Variants in ELL2 observed in about 807,000 individuals in gnomAD.
ELL2 encodes the protein elongation factor for RNA polymerase II 2.
Under a neutral mutation model 72.8 loss-of-function variants are expected in ELL2, and 21 were observed. That is an observed-to-expected ratio of 0.29 (90% CI 0.20 to 0.42). The LOEUF (loss-of-function observed/expected upper bound fraction) is 0.42. ELL2 is among the 10% of genes least tolerant of loss of function. The probability of loss-of-function intolerance (pLI) is 1.00; values close to 1 mark genes in which losing one functional copy is unlikely to be tolerated. For synonymous variants in ELL2, 266 were observed against 283.2 expected (o/e 0.94, Z 0.61); for missense variants, 568 against 772.8 (o/e 0.73, Z 3.14).
intron 3 of ELL2, among the ~76,000 whole-genome samples, chr5:95,917,089 T>C (rs1254833602): frequency 2.0e-5 from 3 of 152,222 alleles, no homozygotes; most frequent in South Asian, 2.1e-4. Context: ...GACAAATGTA[T>C]ATAAATGCTC....
At chr5:95,929,289 C>T (rs1376132998) in intron 2 of ELL2, among the ~76,000 whole-genome samples, 3 of 149,226 alleles carry the variant, frequency 2.0e-5, no homozygotes, top group Non-Finnish European at 3.0e-5. Flanking sequence ...GACAGAGTCT[C>T]GCTCTGTCGC....
chr5:95,898,513 T>C lies in ELL2; in HGVS notation c.1252A>G (p.Asn418Asp). The C allele has an allele frequency of 6.2e-7, 1 of 1,614,142 alleles. No homozygotes were observed. The highest frequency in any genetic ancestry group is 1.7e-4 in the Middle Eastern group (1 of 6,046). Reference protein sequence around the residue: ...QDLPVDSFSQNDSIYEDQQDK... With the variant: ...QDLPVDSFSQDDSIYEDQQDK... ...TGCTGGTCCTCATAGATACTATCGTTTTGACTAAAACTGTCAACAGGTAGG... is the reference window on the plus strand; with the variant it reads ...TGCTGGTCCTCATAGATACTATCGTCTTGACTAAAACTGTCAACAGGTAGG... The change falls in exon 8 of 12, where the codon AAC becomes GAC. Residue 418 changes from asparagine (N) to aspartate (D), a missense_variant. Around this residue, in one of 2 missense-constraint regions of ELL2, gnomAD observed 511 missense variants for 728.4 expected, o/e 0.70. Transcript: ENST00000237853.
rs372656152 is a variant in ELL2, at chr5:95,927,370, T to TAC, written c.196-7827_196-7826dup. On this transcript the variant is annotated intron_variant, in intron 2 of 11. Transcript: ENST00000237853. The stretch of plus-strand genomic sequence containing the variant: ...GTATGTGTATGTGTATATATAGACA[T>TAC]ACACACACACACGTGTGTATATATA... Among the ~76,000 whole-genome samples, 590 of 90,900 alleles carry TAC rather than the reference T, an allele frequency of 6.5e-3. 112 individuals are homozygous for TAC. The highest frequency in any genetic ancestry group is 0.034 in the African/African-American group (473 of 14,046). 59.6% of individuals were successfully genotyped at this position (90,900 alleles called of 152,430 possible).
intron 2 of ELL2, among the ~76,000 whole-genome samples, chr5:95,938,721 A>G (rs562098282): frequency 6.6e-6 from 1 of 152,306 alleles, no homozygotes; most frequent in African/African-American, 2.4e-5. Context: ...TGTCTCAAAA[A>G]ATAATTATTA....
chr5:95,902,037 G>A (rs1000925528), intron 5 of ELL2, among the ~76,000 whole-genome samples: 1 of 152,168 alleles, frequency 6.6e-6, no homozygotes, highest in African/African-American at 2.4e-5. Flanking sequence ...GTGAAACCAC[G>A]GATAAGGACT....
intron 2 of ELL2, among the ~76,000 whole-genome samples, chr5:95,936,589 G>A (rs1750781759): frequency 6.6e-6 from 1 of 152,040 alleles, no homozygotes. Context: ...TGGAGACCAG[G>A]CTGGGCAATA....
chr5:95,933,613 G>A (rs1268967468), intron 2 of ELL2, among the ~76,000 whole-genome samples: 1 of 151,912 alleles, frequency 6.6e-6, no homozygotes, highest in African/African-American at 2.4e-5. Flanking sequence ...CACTATTAGG[G>A]ACCCTTTTAT....
intron 9 of ELL2, among the ~76,000 whole-genome samples, chr5:95,892,979 G>A (rs974383977): frequency 6.6e-6 from 1 of 152,114 alleles, no homozygotes; most frequent in African/African-American, 2.4e-5. Context: ...AGGGAGCCCC[G>A]GGGTAAAAAG....
chr5:95,902,766 C>G (rs1749190641), intron 5 of ELL2, among the ~76,000 whole-genome samples: 1 of 152,046 alleles, frequency 6.6e-6, no homozygotes, highest in African/African-American at 2.4e-5. Context: ...CATCAATTTT[C>G]TTTTTTCTTT....
At chr5:95,937,020 T>C (rs1750801043) in intron 2 of ELL2, among the ~76,000 whole-genome samples, 1 of 152,194 alleles carries the variant, frequency 6.6e-6, no homozygotes, top group South Asian at 2.1e-4. Flanking sequence ...TGACAAATAT[T>C]TGCTAAGTGA....
At chr5:95,916,284 A>G (rs139074480) in intron 3 of ELL2, among the ~76,000 whole-genome samples, 1 of 152,252 alleles carries the variant, frequency 6.6e-6, no homozygotes, top group East Asian at 1.9e-4. Context: ...ACAGGTTGGG[A>G]GACAGGACTG....
At chr5:95,959,520 T>G (rs1751735783) in intron 1 of ELL2, among the ~76,000 whole-genome samples, 1 of 152,232 alleles carries the variant, frequency 6.6e-6, no homozygotes, top group Admixed American at 6.5e-5. Context: ...CTCTCCACTG[T>G]CTGCTTCTGT....
rs962608061 is a variant in ELL2, at chr5:95,887,363, C to T, written c.*1508G>A. 1.3e-5 allele frequency: 2 copies of T among 152,604 alleles called. No homozygotes were observed. The highest frequency in any genetic ancestry group is 2.4e-5 in the African/African-American group (1 of 41,446). 9.5% of individuals were successfully genotyped at this position (152,604 alleles called of 1,614,324 possible). A position where few individuals can be genotyped will look rare whatever the true frequency, so the allele number is the denominator to read the frequency against. The stretch of plus-strand genomic sequence containing the variant: ...AGATAACCAACATTTTTCTGGTTTA[C>T]AGTGATACACAACAAAGTTATTCAT... On this transcript the variant is annotated 3_prime_UTR_variant, in exon 12 of 12. Transcript: ENST00000237853.
intron 1 of ELL2, among the ~76,000 whole-genome samples, chr5:95,949,447 C>T (rs1751292521): frequency 6.6e-6 from 1 of 151,990 alleles, no homozygotes; most frequent in South Asian, 2.1e-4. Context: ...TAGAAAATAA[C>T]AATATTTCTA....
intron 2 of ELL2, among the ~76,000 whole-genome samples, chr5:95,931,779 C>T (rs1180238177): frequency 7.7e-6 from 1 of 129,928 alleles, no homozygotes; most frequent in Non-Finnish European, 1.6e-5. Context: ...AACACTGCTT[C>T]CCAAGTGCCC....
chr5:95,904,514 G>A (rs529308080), intron 5 of ELL2, among the ~76,000 whole-genome samples: 14 of 152,244 alleles, frequency 9.2e-5, no homozygotes, highest in Middle Eastern at 6.8e-3. Flanking sequence ...AAATTTTACC[G>A]GGAGCCAACA....
Position 95,913,846 on chromosome 5 carries a change from C to T in ELL2, c.406G>A (p.Glu136Lys), listed in dbSNP as rs758422941. 2 of 1,613,454 alleles carry T rather than the reference C, an allele frequency of 1.2e-6. No individual in the cohort carries two copies. Among genetic ancestry groups the T allele is most frequent in the Non-Finnish European group, 8.5e-7 (1 of 1,179,792 alleles). ...ATNDSYQMTR[E>K]RMTQAEEESR... is the part of the protein sequence containing the mutation. ...TCCTCCTCTGCCTGGGTCATTCTTT[C>T]TCGTGTCATCTGATACGAGTCGTTT... Residue 136 changes from glutamate to lysine, a missense_variant, in exon 4 of 12, where the codon GAA becomes AAA. Glu to Lys is a moderately conservative substitution (Grantham distance 56). Transcript: ENST00000237853.
intron 4 of ELL2, among the ~76,000 whole-genome samples, chr5:95,908,025 A>G (rs1433885770): frequency 6.6e-6 from 1 of 152,196 alleles, no homozygotes; most frequent in East Asian, 1.9e-4. Context: ...TGAAACCTCT[A>G]CTGGCTGGTA....
intron 2 of ELL2, 26 bp from the exon 3 acceptor site, chr5:95,919,571 C>T (rs745392120): frequency 4.6e-5 from 70 of 1,529,728 alleles, no homozygotes; most frequent in Admixed American, 4.3e-4. Context: ...AAGAGAGAAA[C>T]GCCTCAAATT....
Sources: allele counts gnomAD v4.1 joint callset (sites outside exome capture counted in the v4.1 genomes callset), GRCh38; gene constraint gnomAD v4.1.1; regional missense constraint gnomAD v4.1.1; transcripts MANE v1.5; gene names NCBI Gene and HGNC (gene_info 2026-07-23, HGNC 2026-07-21).